Variants in NCAM2 observed in about 807,000 individuals in gnomAD.
The protein encoded by NCAM2 is N-CAM-2.
A neutral mutation model predicts 98.1 loss-of-function variants in NCAM2; 30 were observed. The observed-to-expected ratio is 0.31, with a 90% confidence interval of 0.23 to 0.41. The LOEUF (loss-of-function observed/expected upper bound fraction) is 0.41. NCAM2 is among the 10% of genes least tolerant of loss of function. NCAM2 has a pLI of 1.00. For missense variants in NCAM2, 867 were observed against 1,005.8 expected, an observed-to-expected ratio of 0.86 and a Z score of 1.87; for synonymous variants, 368 against 342.4, an observed-to-expected ratio of 1.07 and a Z score of -0.83.
intron 16 of NCAM2, among the ~76,000 whole-genome samples, chr21:21,510,054 A>C (rs1033256113): frequency 1.3e-5 from 2 of 152,194 alleles, no homozygotes; most frequent in Non-Finnish European, 2.9e-5. Context: ...TTCCACAATT[A>C]ACATTTTGTG....
intron 4 of NCAM2, 58 bp from the exon 5 acceptor site, chr21:21,292,046 A>G: frequency 6.5e-7 from 1 of 1,546,608 alleles, no homozygotes; most frequent in Non-Finnish European, 8.8e-7. Context: ...AATTTAGAGC[A>G]CTCTGGACTT....
At chr21:21,188,997 TG>T (rs1046417481) in intron 1 of NCAM2, among the ~76,000 whole-genome samples, 2 of 152,154 alleles carry the variant, frequency 1.3e-5, no homozygotes, top group Non-Finnish European at 2.9e-5. Flanking sequence ...CAGAAACTTA[TG>T]AGAACCCTCC....
intron 15 of NCAM2, among the ~76,000 whole-genome samples, chr21:21,490,739 G>A (rs755599768): frequency 8.6e-5 from 13 of 150,898 alleles, no homozygotes; most frequent in Non-Finnish European, 1.5e-4. Flanking sequence ...CATGTATAAC[G>A]CTTCTGTTTT....
At chr21:21,441,302 C>T (rs8131058) in intron 12 of NCAM2, among the ~76,000 whole-genome samples, 3,996 of 152,222 alleles carry the variant, frequency 0.026, 178 homozygotes, top group African/African-American at 0.092. Context: ...CCATTTGTCA[C>T]GAGACCTCAA....
At chr21:21,192,418 A>T (rs1170396973) in intron 1 of NCAM2, among the ~76,000 whole-genome samples, 1 of 152,190 alleles carries the variant, frequency 6.6e-6, no homozygotes, top group African/African-American at 2.4e-5. Flanking sequence ...GTAGATAAAT[A>T]GAATAAAGTC....
chr21:21,012,426 C>A (rs1326797278), intron 1 of NCAM2, among the ~76,000 whole-genome samples: 1 of 152,022 alleles, frequency 6.6e-6, no homozygotes, highest in Non-Finnish European at 1.5e-5. Context: ...AGTGAAATTA[C>A]ATCAGTTTAG....
chr21:21,427,306 G>T (rs1417664833), intron 11 of NCAM2, among the ~76,000 whole-genome samples: 1 of 152,030 alleles, frequency 6.6e-6, no homozygotes, highest in South Asian at 2.1e-4. Context: ...AACAGGAAAA[G>T]AGCTATCTGA....
At chr21:21,081,698 G>A (rs1281019530) in intron 1 of NCAM2, among the ~76,000 whole-genome samples, 1 of 151,998 alleles carries the variant, frequency 6.6e-6, no homozygotes, top group African/African-American at 2.4e-5. Flanking sequence ...TTACTAGGGA[G>A]GCTGAAGTAG....
intron 15 of NCAM2, among the ~76,000 whole-genome samples, chr21:21,503,478 G>T (rs1987767699): frequency 6.6e-6 from 1 of 151,884 alleles, no homozygotes; most frequent in South Asian, 2.1e-4. Context: ...TGTCACAACA[G>T]AGAGGAATAG....
intron 15 of NCAM2, among the ~76,000 whole-genome samples, chr21:21,506,466 A>G (rs1274434083): frequency 1.3e-5 from 2 of 152,116 alleles, no homozygotes; most frequent in African/African-American, 2.4e-5. Context: ...GCAAACAGAA[A>G]TCCTAGCTTG....
chr21:21,439,445 G>A (rs1408572251), intron 12 of NCAM2, among the ~76,000 whole-genome samples: 1 of 152,072 alleles, frequency 6.6e-6, no homozygotes, highest in East Asian at 1.9e-4. Context: ...TTTAATTTTA[G>A]CAAAAGTTTT....
rs1602044771 is a variant in NCAM2, at chr21:21,342,417, C to T, written c.1044+3883C>T. 2.6e-5 allele frequency among the ~76,000 whole-genome samples: 4 copies of T among 152,096 alleles called. No individual in the cohort carries two copies. In the South Asian group the frequency reaches 8.3e-4, roughly 32 times the overall value. The stretch of plus-strand genomic sequence containing the variant: ...AGGAGGTTCAACTTTGCTGAGAAGC[C>T]AACATGGCTCACTTAAGTGGCTGGA... On this transcript the variant is annotated intron_variant, in intron 8 of 17. Coordinates refer to ENST00000400546, the MANE Select transcript of NCAM2 (RefSeq NM_004540.5).
chr21:21,360,360 C>T (rs961526938), intron 8 of NCAM2, among the ~76,000 whole-genome samples: 8 of 151,904 alleles, frequency 5.3e-5, no homozygotes, highest in Admixed American at 2.6e-4. Flanking sequence ...AATCTTTCTT[C>T]GCTATGATAT....
chr21:21,395,328 C>G (rs762176164), intron 9 of NCAM2, among the ~76,000 whole-genome samples: 7 of 151,466 alleles, frequency 4.6e-5, no homozygotes, highest in Non-Finnish European at 7.4e-5. Flanking sequence ...GACAGCAGAG[C>G]AAGACTTTGT....
At chr21:21,186,718 C>T (rs1235147412) in intron 1 of NCAM2, among the ~76,000 whole-genome samples, 1 of 151,822 alleles carries the variant, frequency 6.6e-6, no homozygotes, top group Non-Finnish European at 1.5e-5. Context: ...AATTTTTATT[C>T]CTTCATATAT....
intron 1 of NCAM2, among the ~76,000 whole-genome samples, chr21:21,131,994 T>C (rs2066945912): frequency 1.3e-5 from 2 of 152,214 alleles, no homozygotes; most frequent in Non-Finnish European, 1.5e-5. Flanking sequence ...GGATCAGAAA[T>C]TTGAAATGAA....
intron 16 of NCAM2, among the ~76,000 whole-genome samples, chr21:21,512,369 G>C (rs955477163): frequency 1.3e-5 from 2 of 151,874 alleles, no homozygotes; most frequent in Non-Finnish European, 2.9e-5. Context: ...CAATGTCTTG[G>C]CAGCTATGTT....
chr21:21,224,490 A>G (rs1038727277), intron 1 of NCAM2, among the ~76,000 whole-genome samples: 3 of 152,188 alleles, frequency 2.0e-5, no homozygotes, highest in Non-Finnish European at 1.5e-5. Context: ...TGTACAAAAT[A>G]CTTGTAATCA....
At chr21:21,334,904 G>A (rs1296396105) in intron 6 of NCAM2, among the ~76,000 whole-genome samples, 1 of 151,872 alleles carries the variant, frequency 6.6e-6, no homozygotes, top group Non-Finnish European at 1.5e-5. Flanking sequence ...AGAGGAAACA[G>A]AAAAACAATT....
Sources: gnomAD v4.1 joint callset for allele counts (sites outside exome capture counted in the v4.1 genomes callset) on GRCh38, gnomAD v4.1.1 for gene constraint, MANE v1.5 for transcripts, NCBI Gene and HGNC (gene_info 2026-07-23, HGNC 2026-07-21) for gene names.